Variants in NKAIN2 observed in about 807,000 individuals in gnomAD.
NKAIN2 encodes sodium/potassium-transporting ATPase subunit beta-1-interacting protein 2.
In NKAIN2, 14 loss-of-function variants were observed where a neutral mutation model predicts 32.6. The observed-to-expected ratio is 0.43, with a 90% CI of 0.28 to 0.67. The LOEUF is 0.67. NKAIN2 is among the 30% of genes least tolerant of loss of function. The probability of loss-of-function intolerance (pLI) is 0.17; values close to 1 mark genes in which losing one functional copy is unlikely to be tolerated. For missense variants in NKAIN2, 198 were observed against 258.3 expected, an observed-to-expected ratio of 0.77 and a Z score of 1.60; for synonymous variants, 80 against 87.2, an observed-to-expected ratio of 0.92 and a Z score of 0.46.
chr6:124,432,623 A>G (rs1207110102), intron 3 of NKAIN2, among the ~76,000 whole-genome samples: 1 of 152,084 alleles, frequency 6.6e-6, no homozygotes, highest in Admixed American at 6.6e-5. Flanking sequence ...CTAAACAAAT[A>G]AATAAATAAA....
chr6:124,175,518 C>T (rs1035002542), intron 1 of NKAIN2, among the ~76,000 whole-genome samples: 1 of 152,188 alleles, frequency 6.6e-6, no homozygotes, highest in Non-Finnish European at 1.5e-5. Context: ...TACACTGCCT[C>T]TGCCTGTACC....
intron 1 of NKAIN2, among the ~76,000 whole-genome samples, chr6:124,065,818 A>C (rs1338463265): frequency 6.6e-6 from 1 of 152,092 alleles, no homozygotes; most frequent in Non-Finnish European, 1.5e-5. Flanking sequence ...CTTCTTTTTA[A>C]ATTCTCACAC....
chr6:124,033,336 T>C (rs185595045), intron 1 of NKAIN2, among the ~76,000 whole-genome samples: 267 of 152,190 alleles, frequency 1.8e-3, no homozygotes, highest in African/African-American at 5.9e-3. Flanking sequence ...TTAGAAAATA[T>C]CTCAGTAAAA....
At chr6:124,318,713 A>G (rs1242187348) in intron 2 of NKAIN2, among the ~76,000 whole-genome samples, 1 of 151,956 alleles carries the variant, frequency 6.6e-6, no homozygotes, top group Non-Finnish European at 1.5e-5. Context: ...TGCTGACACT[A>G]AGATGACAGA....
At chr6:124,259,841 C>T (rs1181863560) in intron 1 of NKAIN2, among the ~76,000 whole-genome samples, 1 of 152,152 alleles carries the variant, frequency 6.6e-6, no homozygotes, top group East Asian at 1.9e-4. Flanking sequence ...CACCTTTCAT[C>T]ATTCTTCAAG....
intron 3 of NKAIN2, among the ~76,000 whole-genome samples, chr6:124,508,928 A>G (rs1778602945): frequency 6.6e-6 from 1 of 152,188 alleles, no homozygotes; most frequent in Admixed American, 6.5e-5. Flanking sequence ...AAAGGACACC[A>G]GTCATATTGG....
chr6:124,696,768 ATTT>A (rs140409570), intron 4 of NKAIN2, among the ~76,000 whole-genome samples: 3 of 138,922 alleles, frequency 2.2e-5, no homozygotes, highest in Non-Finnish European at 3.1e-5. Flanking sequence ...AAAAGGATCT[ATTT>A]TTTTTTTTTT....
At position 124,478,171 on chromosome 6, in the gene NKAIN2, A is replaced by G. The variant is rs371693593; in HGVS notation, c.273+122824A>G. Among the ~76,000 whole-genome samples, 99 of 152,250 alleles carry G rather than the reference A, an allele frequency of 6.5e-4. No homozygotes were observed. In the South Asian group the frequency reaches 0.012, roughly 18 times the overall value. On this transcript the variant is annotated intron_variant, in intron 3 of 6. Coordinates refer to ENST00000368417, the MANE Select transcript of NKAIN2 (RefSeq NM_001040214.3). Reference sequence around the variant, plus strand: ...AGAACTTTTTCTCTAAGGCCAAACTATTAGACGTTAAGTTGAATGTGTTTT... The same window carrying G: ...AGAACTTTTTCTCTAAGGCCAAACTGTTAGACGTTAAGTTGAATGTGTTTT...
At chr6:124,226,223 G>A (rs147883087) in intron 1 of NKAIN2, among the ~76,000 whole-genome samples, 172 of 152,038 alleles carry the variant, frequency 1.1e-3, no homozygotes, top group African/African-American at 3.1e-3. Flanking sequence ...ATGTGAGCTC[G>A]ATAGTTGACA....
chr6:124,258,725 G>A (rs115999951), intron 1 of NKAIN2, among the ~76,000 whole-genome samples: 1 of 152,290 alleles, frequency 6.6e-6, no homozygotes, highest in African/African-American at 2.4e-5. Flanking sequence ...TACGTATGTA[G>A]CAAGTATGAA....
chr6:124,223,380 C>T lies in NKAIN2; in HGVS notation c.55-59625C>T, dbSNP rs542079333. ...TGAATAGGAAAATAATTGATGATGC[C>T]GGGAAGAGGGGAAGAATTCTGAAGC... is the stretch of plus-strand genomic sequence containing the variant. On this transcript the variant is annotated intron_variant, in intron 1 of 6. Transcript: ENST00000368417. Among the ~76,000 whole-genome samples the T allele has an allele frequency of 2.2e-4, 34 of 151,782 alleles. 1 individual carries two copies. The highest frequency in any genetic ancestry group is 8.2e-4 in the African/African-American group (34 of 41,386).
In NKAIN2 at chr6:124,289,175, G is replaced by A. The variant is rs150673345; in HGVS notation, c.192+6033G>A. On this transcript the variant is annotated intron_variant, in intron 2 of 6. Coordinates refer to ENST00000368417, the MANE Select transcript of NKAIN2 (RefSeq NM_001040214.3). ...AAAAAGTAAATATTTCTTTTAGTCT[G>A]CATTTTAAAGTTTTGAATGGTATTT... Among the ~76,000 whole-genome samples the A allele has an allele frequency of 4.8e-3, 738 of 152,226 alleles. 5 individuals carry two copies. The highest frequency in any genetic ancestry group is 0.017 in the African/African-American group (715 of 41,536).
chr6:124,223,598 T>A (rs1265929064), intron 1 of NKAIN2, among the ~76,000 whole-genome samples: 1 of 152,218 alleles, frequency 6.6e-6, no homozygotes, highest in African/African-American at 2.4e-5. Flanking sequence ...CCCTTGATAG[T>A]CACTGATAAA....
At chr6:124,736,948 G>A (rs1455662050) in intron 4 of NKAIN2, among the ~76,000 whole-genome samples, 1 of 151,842 alleles carries the variant, frequency 6.6e-6, no homozygotes, top group Admixed American at 6.6e-5. Context: ...AGATTACATA[G>A]ATAATAATTT....
At chr6:124,466,030 C>T (rs911970308) in intron 3 of NKAIN2, among the ~76,000 whole-genome samples, 5 of 151,840 alleles carry the variant, frequency 3.3e-5, no homozygotes, top group African/African-American at 9.7e-5. Context: ...AATCATTAAC[C>T]ATCCTTCTTT....
intron 1 of NKAIN2, among the ~76,000 whole-genome samples, chr6:124,106,374 G>T (rs73563199): frequency 1.3e-5 from 2 of 152,072 alleles, no homozygotes; most frequent in African/African-American, 2.4e-5. Context: ...TGTTATTACT[G>T]TTAGGGAAAA....
chr6:124,231,732 C>T (rs556711919), intron 1 of NKAIN2, among the ~76,000 whole-genome samples: 5 of 152,202 alleles, frequency 3.3e-5, no homozygotes, highest in Admixed American at 6.5e-5. Flanking sequence ...GCCTCCCCAG[C>T]CATATGGAAC....
At chr6:123,990,978 T>C (rs982629619) in intron 1 of NKAIN2, among the ~76,000 whole-genome samples, 4 of 152,182 alleles carry the variant, frequency 2.6e-5, no homozygotes, top group African/African-American at 9.7e-5. Context: ...AAATAACACA[T>C]TTTATTATAT....
rs542506557 is a variant in NKAIN2 at position 123,955,314 on chromosome 6, G to A, written c.54+151060G>A. On this transcript the variant is annotated intron_variant, in intron 1 of 6. Transcript: ENST00000368417. ...TGAGAACTGTTTATCATTAATGGCTGATCATGATGCCACAGACTAATAATT... is the reference window on the plus strand; with the variant it reads ...TGAGAACTGTTTATCATTAATGGCTAATCATGATGCCACAGACTAATAATT... Among the ~76,000 whole-genome samples the A allele has an allele frequency of 4.6e-5, 7 of 151,878 alleles. No homozygotes were observed. The South Asian group carries it at 1.5e-3, about 32-fold the overall frequency.
Sources: allele counts gnomAD v4.1 joint callset (sites outside exome capture counted in the v4.1 genomes callset), GRCh38; gene constraint gnomAD v4.1.1; transcripts MANE v1.5; gene names NCBI Gene and HGNC (gene_info 2026-07-23, HGNC 2026-07-21).